NSMCE2: variants seen among roughly 807,000 people sequenced by gnomAD.
The protein encoded by NSMCE2 is NSE2 SUMO ligase component of SMC5/6 complex, also known as E3 SUMO-protein ligase NSE2.
A neutral mutation model predicts 23.8 loss-of-function variants in NSMCE2; 24 were observed. That is an observed-to-expected ratio of 1.01 (90% CI 0.73 to 1.42). The LOEUF (loss-of-function observed/expected upper bound fraction) is 1.42. Among genes scored for constraint, NSMCE2 ranks in the 40% most tolerant of loss-of-function variants. The probability of loss-of-function intolerance (pLI) is 0.00; values close to 1 mark genes in which losing one functional copy is unlikely to be tolerated. For missense variants in NSMCE2, 284 were observed against 296.5 expected, an observed-to-expected ratio of 0.96 and a Z score of 0.31; for synonymous variants, 92 against 94.1, an observed-to-expected ratio of 0.98 and a Z score of 0.13.
intron 5 of NSMCE2, among the ~76,000 whole-genome samples, chr8:125,283,681 A>G (rs548880328): frequency 1.2e-4 from 19 of 152,340 alleles, no homozygotes; most frequent in African/African-American, 4.3e-4. Flanking sequence ...AAAGCAATGC[A>G]CAAATGAAAG....
chr8:125,201,193 C>T (rs1483780386), intron 5 of NSMCE2, among the ~76,000 whole-genome samples: 2 of 152,194 alleles, frequency 1.3e-5, no homozygotes, highest in Admixed American at 6.5e-5. Flanking sequence ...AGTCATTCTC[C>T]GTCCAGGTTT....
In NSMCE2 at chr8:125,202,002, G is replaced by A. The variant is rs183686366; in HGVS notation, c.418+19746G>A. On this transcript the variant is annotated intron_variant, in intron 5 of 7. Coordinates refer to ENST00000287437, the MANE Select transcript of NSMCE2 (RefSeq NM_173685.4). ...CGCTAGCAGTGAGCAAGGCTCCGTC[G>A]GCATGGGACCTGCCAAGCCAGGCAC... Among the ~76,000 whole-genome samples, 492 of 152,334 alleles carry A rather than the reference G, an allele frequency of 3.2e-3. 1 individual carries two copies. Among genetic ancestry groups the A allele is most frequent in the African/African-American group, 0.011 (460 of 41,578 alleles).
At position 125,366,883 on chromosome 8, in the gene NSMCE2, T is replaced by G; in HGVS notation, c.742T>G (p.Ter248GluextTer20). The change falls in exon 8 of 8, where the codon TAG (stop) becomes GAG (glutamate). Residue 248 changes from the stop codon to glutamate (E), a stop_lost. Coordinates refer to ENST00000287437, the MANE Select transcript of NSMCE2 (RefSeq NM_173685.4). The part of the protein sequence containing the change: ...HNKKRHRHSE[*>E] Reference sequence around the variant, plus strand: ...CAAGAAAAGACATCGTCATTCCGAGTAGGAAAAGCCACCTGCCTGCAGGGA... The same window carrying G: ...CAAGAAAAGACATCGTCATTCCGAGGAGGAAAAGCCACCTGCCTGCAGGGA... 6.3e-7 allele frequency: 1 copy of G among 1,579,466 alleles called. No individual in the cohort carries two copies. Among genetic ancestry groups the G allele is most frequent in the Non-Finnish European group, 8.7e-7 (1 of 1,148,578 alleles).
chr8:125,329,705 T>C (rs1034259421), intron 5 of NSMCE2, among the ~76,000 whole-genome samples: 2 of 152,198 alleles, frequency 1.3e-5, no homozygotes, highest in East Asian at 1.9e-4. Flanking sequence ...ATCAGACTTA[T>C]TAGCTGCCTG....
At chr8:125,174,833 A>G (rs35475899) in intron 4 of NSMCE2, among the ~76,000 whole-genome samples, 10,064 of 152,244 alleles carry the variant, frequency 0.066, 433 homozygotes, top group South Asian at 0.15. Context: ...GTGTTTTGTC[A>G]AAAGTCAAAA....
intron 5 of NSMCE2, among the ~76,000 whole-genome samples, chr8:125,355,093 G>A (rs959274754): frequency 5.3e-5 from 8 of 152,138 alleles, no homozygotes; most frequent in African/African-American, 1.7e-4. Flanking sequence ...ATATTTCAAA[G>A]TCCGAAATCC....
intron 5 of NSMCE2, among the ~76,000 whole-genome samples, chr8:125,242,593 C>T (rs1825803848): frequency 1.3e-5 from 2 of 152,156 alleles, no homozygotes; most frequent in South Asian, 4.1e-4. Context: ...GAGGACCCTG[C>T]CTGGAAAGTA....
rs144715972 is a variant in NSMCE2 at position 125,246,428 on chromosome 8, C to T, written c.418+64172C>T. 8.3e-3 allele frequency among the ~76,000 whole-genome samples: 1,263 copies of T among 152,144 alleles called. 9 individuals carry two copies. The highest frequency in any genetic ancestry group is 0.011 in the Admixed American group (173 of 15,274). ...CGATCTCCTGACCTTGTGATCCACC[C>T]GCCTCCTCCTCCCAAAGTGCTAGGA... On this transcript the variant is annotated intron_variant, in intron 5 of 7. Coordinates refer to ENST00000287437, the MANE Select transcript of NSMCE2 (RefSeq NM_173685.4).
chr8:125,126,673 A>G (rs1027131632), intron 3 of NSMCE2, among the ~76,000 whole-genome samples: 28 of 152,186 alleles, frequency 1.8e-4, no homozygotes, highest in African/African-American at 6.8e-4. Context: ...TCGAGCTTTC[A>G]GAAACAATTT....
chr8:125,202,295 G>A (rs748549359), intron 5 of NSMCE2, among the ~76,000 whole-genome samples: 18 of 152,202 alleles, frequency 1.2e-4, no homozygotes, highest in Middle Eastern at 3.2e-3. Flanking sequence ...AGTCTTCTGC[G>A]TCGATCACGC....
At chr8:125,110,772 T>G (rs961388433) in intron 3 of NSMCE2, among the ~76,000 whole-genome samples, 3 of 149,786 alleles carry the variant, frequency 2.0e-5, no homozygotes, top group East Asian at 1.9e-4. Flanking sequence ...GTTTTTTTTT[T>G]TTTTTTTTTT....
At chr8:125,344,739 T>C (rs952189997) in intron 5 of NSMCE2, among the ~76,000 whole-genome samples, 10 of 32,058 alleles carry the variant, frequency 3.1e-4, no homozygotes, top group Admixed American at 2.0e-3. Flanking sequence ...CAAGACTTCA[T>C]CTCAAAAAAA....
chr8:125,283,729 AG>A (rs1285832965), intron 5 of NSMCE2, among the ~76,000 whole-genome samples: 2 of 152,168 alleles, frequency 1.3e-5, no homozygotes, highest in African/African-American at 4.8e-5. Context: ...CCAGCTGGGG[AG>A]GGGGCAGTGC....
rs1209449955 is a variant in NSMCE2 at position 125,324,833 on chromosome 8, C to CA, written c.419-32383dup. 1.7e-4 allele frequency among the ~76,000 whole-genome samples: 20 copies of CA among 117,196 alleles called. 8 individuals carry two copies. Among genetic ancestry groups the CA allele is most frequent in the Non-Finnish European group, 3.4e-4 (17 of 50,112 alleles). 76.9% of individuals were successfully genotyped at this position (117,196 alleles called of 152,430 possible). ...TCGTGATCCGCCCGCCTCGGCCTCC[C>CA]AAAGTGCTGGGATTACAGGCATGAG... On this transcript the variant is annotated intron_variant, in intron 5 of 7. Transcript: ENST00000287437.
chr8:125,182,319 GC>G, intron 5 of NSMCE2, 63 bp downstream of exon 5: 1 of 1,230,318 alleles, frequency 8.1e-7, no homozygotes, highest in South Asian at 1.3e-5. Flanking sequence ...TTGATGAACA[GC>G]CCCAGTTAAC....
chr8:125,336,388 C>T (rs187336241), intron 5 of NSMCE2, among the ~76,000 whole-genome samples: 8 of 152,234 alleles, frequency 5.3e-5, no homozygotes, highest in East Asian at 3.9e-4. Context: ...GTCATTTTCC[C>T]GAGATCAAAT....
chr8:125,259,091 G>A (rs754674453), intron 5 of NSMCE2, among the ~76,000 whole-genome samples: 8 of 152,100 alleles, frequency 5.3e-5, no homozygotes, highest in African/African-American at 1.9e-4. Flanking sequence ...TAGTAGAGAC[G>A]GGGTTTCTCC....
intron 5 of NSMCE2, among the ~76,000 whole-genome samples, chr8:125,293,327 G>A (rs1005828220): frequency 2.0e-5 from 3 of 152,118 alleles, no homozygotes; most frequent in Non-Finnish European, 2.9e-5. Flanking sequence ...GGTTCTTATT[G>A]TTATAACCAG....
intron 5 of NSMCE2, among the ~76,000 whole-genome samples, chr8:125,185,817 C>T (rs1300421179): frequency 1.3e-5 from 2 of 152,140 alleles, no homozygotes; most frequent in Non-Finnish European, 2.9e-5. Context: ...AGAAGAGTGG[C>T]ATTCTTTTAC....
Sources: gnomAD v4.1 joint callset for allele counts (sites outside exome capture counted in the v4.1 genomes callset) on GRCh38, gnomAD v4.1.1 for gene constraint, MANE v1.5 for transcripts, NCBI Gene and HGNC (gene_info 2026-07-23, HGNC 2026-07-21) for gene names.